GRM8: variants seen among roughly 807,000 people sequenced by gnomAD.
The protein encoded by GRM8 is glutamate metabotropic receptor 8, also known as metabotropic glutamate receptor 8.
GRM8 carries 47 observed loss-of-function variants against 87.2 expected under a neutral mutation model. The observed-to-expected ratio is 0.54, with a 90% CI of 0.43 to 0.69. The LOEUF is 0.69. Ranked by LOEUF, GRM8 falls within the 30% of genes least tolerant of loss-of-function variation. The probability of loss-of-function intolerance (pLI) is 0.00; values close to 1 mark genes in which losing one functional copy is unlikely to be tolerated. For missense variants in GRM8, 1,019 were observed against 1,139.2 expected, an observed-to-expected ratio of 0.89 and a Z score of 1.52; for synonymous variants, 396 against 404.5, an observed-to-expected ratio of 0.98 and a Z score of 0.25.
At chr7:127,213,842 T>A (rs763863090) in intron 2 of GRM8, among the ~76,000 whole-genome samples, 3 of 152,186 alleles carry the variant, frequency 2.0e-5, no homozygotes, top group Non-Finnish European at 2.9e-5. Context: ...TTGGAAACCA[T>A]TAGGCAATTT....
intron 3 of GRM8, among the ~76,000 whole-genome samples, chr7:126,924,374 A>C (rs1804863587): frequency 6.6e-6 from 1 of 152,214 alleles, no homozygotes; most frequent in Non-Finnish European, 1.5e-5. Context: ...AACTCAAAAG[A>C]TGTTAAGTTA....
chr7:126,888,585 G>A (rs1800711179), intron 6 of GRM8, among the ~76,000 whole-genome samples: 1 of 151,998 alleles, frequency 6.6e-6, no homozygotes, highest in African/African-American at 2.4e-5. Flanking sequence ...GGATTCTTGA[G>A]CCCCTTTTCA....
At chr7:126,901,915 C>G (rs937066357) in intron 6 of GRM8, among the ~76,000 whole-genome samples, 16 of 151,874 alleles carry the variant, frequency 1.1e-4, no homozygotes, top group African/African-American at 2.7e-4. Flanking sequence ...ATTTACTGCT[C>G]AGTTCTAAGT....
chr7:126,814,272 A>G (rs1478790080), intron 6 of GRM8, among the ~76,000 whole-genome samples: 4 of 152,054 alleles, frequency 2.6e-5, no homozygotes, highest in African/African-American at 9.7e-5. Flanking sequence ...CCTCTTTATG[A>G]TCTTCAACAG....
At chr7:126,584,229 T>TC (rs1376732301) in intron 8 of GRM8, among the ~76,000 whole-genome samples, 4 of 151,686 alleles carry the variant, frequency 2.6e-5, no homozygotes, top group Non-Finnish European at 2.9e-5. Flanking sequence ...AAAGATAACT[T>TC]TTTTTTTATT....
chr7:126,912,889 C>A (rs549442593), intron 3 of GRM8, among the ~76,000 whole-genome samples: 2 of 152,158 alleles, frequency 1.3e-5, no homozygotes, highest in South Asian at 4.1e-4. Context: ...CTTTCAAAGA[C>A]GTCTTGTTGC....
At chr7:126,862,207 A>G (rs978704358) in intron 6 of GRM8, among the ~76,000 whole-genome samples, 1 of 152,008 alleles carries the variant, frequency 6.6e-6, no homozygotes, top group Non-Finnish European at 1.5e-5. Context: ...AATGTCAACA[A>G]TAATCTATCC....
At chr7:126,818,684 A>T (rs1385779161) in intron 6 of GRM8, among the ~76,000 whole-genome samples, 1 of 152,228 alleles carries the variant, frequency 6.6e-6, no homozygotes, top group East Asian at 1.9e-4. Flanking sequence ...TGGCACTGTG[A>T]TGAACCAAGG....
At chr7:127,197,593 C>A in intron 2 of GRM8, among the ~76,000 whole-genome samples, 1 of 144,452 alleles carries the variant, frequency 6.9e-6, no homozygotes, top group Non-Finnish European at 1.6e-5. Context: ...GGAAACATGT[C>A]TGTCAAAAAA....
chr7:127,251,899 G>A (rs1320397175), intron 1 of GRM8, among the ~76,000 whole-genome samples: 1 of 152,178 alleles, frequency 6.6e-6, no homozygotes, highest in Non-Finnish European at 1.5e-5. Context: ...GAAATCCCAA[G>A]CTCGCCGTGC....
intron 9 of GRM8, among the ~76,000 whole-genome samples, chr7:126,477,554 G>A (rs1250362377): frequency 7.8e-6 from 1 of 128,732 alleles, no homozygotes; most frequent in African/African-American, 2.9e-5. Context: ...GAGAAAAGGA[G>A]AAGTAAGAGA....
chr7:126,459,107 A>C (rs1178278521), intron 9 of GRM8, among the ~76,000 whole-genome samples: 5 of 151,464 alleles, frequency 3.3e-5, no homozygotes, highest in African/African-American at 1.2e-4. Flanking sequence ...AAACCATATC[A>C]TATTTGGTAA....
intron 7 of GRM8, among the ~76,000 whole-genome samples, chr7:126,647,060 G>C (rs1444039312): frequency 1.3e-5 from 2 of 152,108 alleles, no homozygotes; most frequent in African/African-American, 4.8e-5. Context: ...AGTGGGTAAT[G>C]CTGGAAGGTC....
chr7:126,523,543 C>A (rs1213854929), intron 9 of GRM8, among the ~76,000 whole-genome samples: 2 of 150,924 alleles, frequency 1.3e-5, no homozygotes, highest in Non-Finnish European at 2.9e-5. Flanking sequence ...GTCACCCAGG[C>A]TGGAGTGCAG....
At chr7:127,223,442 C>T (rs74496812) in intron 2 of GRM8, among the ~76,000 whole-genome samples, 25 of 54,632 alleles carry the variant, frequency 4.6e-4, no homozygotes, top group African/African-American at 1.1e-3. Context: ...CACACACACA[C>T]GCACACACAC....
chr7:126,691,131 G>A (rs1808763074), intron 7 of GRM8, among the ~76,000 whole-genome samples: 2 of 152,162 alleles, frequency 1.3e-5, no homozygotes, highest in African/African-American at 4.8e-5. Flanking sequence ...TTCATGCCAA[G>A]GGGTGCCTGC....
At chr7:127,247,793 A>G (rs10228722) in intron 1 of GRM8, among the ~76,000 whole-genome samples, 23,049 of 152,078 alleles carry the variant, frequency 0.15, 2,040 homozygotes, top group Middle Eastern at 0.29. Context: ...AGATTCTATT[A>G]CTTAATAATA....
chr7:126,503,465 T>A (rs1279740370), intron 9 of GRM8, among the ~76,000 whole-genome samples: 1 of 152,024 alleles, frequency 6.6e-6, no homozygotes, highest in Non-Finnish European at 1.5e-5. Context: ...AGCACAGGAC[T>A]AGAAGGCTAG....
intron 2 of GRM8, among the ~76,000 whole-genome samples, chr7:127,143,883 T>G (rs1828407167): frequency 6.6e-6 from 1 of 152,142 alleles, no homozygotes; most frequent in Non-Finnish European, 1.5e-5. Flanking sequence ...CACTTTTTCT[T>G]CTCTTTGCTG....
Sources: allele counts gnomAD v4.1 joint callset (sites outside exome capture counted in the v4.1 genomes callset), GRCh38; gene constraint gnomAD v4.1.1; transcripts MANE v1.5; gene names NCBI Gene and HGNC (gene_info 2026-07-23, HGNC 2026-07-21).